Variants in RILPL1 observed in about 807,000 individuals in gnomAD.
The protein encoded by RILPL1 is Rab interacting lysosomal protein like 1.
Under a neutral mutation model 50.3 loss-of-function variants are expected in RILPL1, and 33 were observed. The ratio of observed to expected loss-of-function variants is 0.66; its 90% CI spans 0.50 to 0.88. RILPL1 has a LOEUF of 0.88. RILPL1 is among the 40% of genes least tolerant of loss of function. The probability of loss-of-function intolerance (pLI) is 0.00; values close to 1 mark genes in which losing one functional copy is unlikely to be tolerated. For synonymous variants in RILPL1, 205 were observed against 228.6 expected (o/e 0.90, Z 0.93); for missense variants, 418 against 542.5 (o/e 0.77, Z 2.28).
chr12:123,478,893 C>G lies in RILPL1; in HGVS notation c.1067+5287G>C, dbSNP rs1881778997. ...AGTCACTCCAGCACTCCCTCGTGAC[C>G]TTCCTGGGCAGTGCCAGCCTGGCCT... On this transcript the variant is annotated intron_variant, in intron 6 of 6. Transcript: ENST00000376874. Among the ~76,000 whole-genome samples the G allele has an allele frequency of 3.3e-5, 5 of 152,224 alleles. No individual in the cohort carries two copies. In the South Asian group the frequency reaches 1.0e-3, roughly 32 times the overall value.
At chr12:123,509,963 G>A (rs771517207) in intron 2 of RILPL1, among the ~76,000 whole-genome samples, 47 of 152,228 alleles carry the variant, frequency 3.1e-4, no homozygotes, top group Non-Finnish European at 4.7e-4. Flanking sequence ...CCCTGGAGCC[G>A]AGGCCTGGCA....
At chr12:123,501,067 C>A (rs1473108146) in intron 2 of RILPL1, among the ~76,000 whole-genome samples, 2 of 151,798 alleles carry the variant, frequency 1.3e-5, no homozygotes, top group Non-Finnish European at 2.9e-5. Flanking sequence ...GAGATCGTGC[C>A]ATTGGACTCC....
chr12:123,517,807 T>C (rs1884793379), intron 2 of RILPL1, among the ~76,000 whole-genome samples: 1 of 152,146 alleles, frequency 6.6e-6, no homozygotes, highest in African/African-American at 2.4e-5. Flanking sequence ...AATGGACATA[T>C]GCTGCAAACA....
intron 1 of RILPL1, among the ~76,000 whole-genome samples, chr12:123,524,806 G>A (rs1312862736): frequency 1.3e-5 from 2 of 152,208 alleles, no homozygotes; most frequent in Non-Finnish European, 2.9e-5. Flanking sequence ...GAATAGGTAC[G>A]GAGTTTCTTT....
intron 4 of RILPL1, among the ~76,000 whole-genome samples, chr12:123,488,548 G>A (rs998288522): frequency 5.3e-5 from 8 of 152,254 alleles, no homozygotes; most frequent in African/African-American, 1.9e-4. Context: ...GGAGGCTGAG[G>A]GATTCCAGAA....
At chr12:123,495,466 C>G (rs1882967004) in intron 4 of RILPL1, among the ~76,000 whole-genome samples, 1 of 151,090 alleles carries the variant, frequency 6.6e-6, no homozygotes, top group South Asian at 2.1e-4. Context: ...GCTTCGCCTC[C>G]TGGGTTCACG....
In RILPL1 at chr12:123,533,074, G is replaced by C; in HGVS notation, c.309+100C>G. 4 of 1,276,196 alleles carry C rather than the reference G, an allele frequency of 3.1e-6. No individual in the cohort carries two copies. Among genetic ancestry groups the C allele is most frequent in the Non-Finnish European group, 4.2e-6 (4 of 944,524 alleles). 79.1% of individuals were successfully genotyped at this position (1,276,196 alleles called of 1,614,324 possible). On this transcript the variant is annotated intron_variant, in intron 1 of 6. Coordinates refer to ENST00000376874, the MANE Select transcript of RILPL1 (RefSeq NM_178314.5). This position sits in a 1 kb window ranked among gnomAD's most constrained non-coding sequence, Gnocchi z 6.2. ...TCGGGTCTCCTCTGGTCCGGTCCCT[G>C]AACACACACACGTGCGCACCCACAG...
chr12:123,479,393 A>G (rs1881810991), intron 6 of RILPL1, among the ~76,000 whole-genome samples: 1 of 152,130 alleles, frequency 6.6e-6, no homozygotes, highest in Non-Finnish European at 1.5e-5. Flanking sequence ...AGCCGCCCTG[A>G]GCAGACCGCA....
At chr12:123,477,098 C>G (rs1881644664) in intron 6 of RILPL1, among the ~76,000 whole-genome samples, 1 of 152,158 alleles carries the variant, frequency 6.6e-6, no homozygotes, top group Admixed American at 6.5e-5. Context: ...CTGGTCTAAG[C>G]CCACGGTAAG....
chr12:123,523,468 C>G, intron 2 of RILPL1, 27 bp downstream of exon 2: 1 of 1,613,568 alleles, frequency 6.2e-7, no homozygotes, highest in East Asian at 2.2e-5. Context: ...GGCCGGCCCC[C>G]TTGCATTGGC....
Position 123,498,206 on chromosome 12 carries a change from T to C in RILPL1, c.801+338A>G, listed in dbSNP as rs1883151930. Reference sequence around the variant, plus strand: ...CTTGTTCTCTCTGAGCCTCTCGTTTTTTCTCTCTCTCTCTCTCTCTTTTTT... The same window carrying C: ...CTTGTTCTCTCTGAGCCTCTCGTTTCTTCTCTCTCTCTCTCTCTCTTTTTT... On this transcript the variant is annotated intron_variant, in intron 4 of 6. Transcript: ENST00000376874. This position sits in a 1 kb window ranked among gnomAD's most constrained non-coding sequence, Gnocchi z 4.3. Among the ~76,000 whole-genome samples the C allele has an allele frequency of 6.6e-6, 1 of 151,642 alleles. No individual in the cohort carries two copies. Among genetic ancestry groups the C allele is most frequent in the Non-Finnish European group, 1.5e-5 (1 of 67,960 alleles).
At chr12:123,531,076 G>C (rs1205614608) in intron 1 of RILPL1, among the ~76,000 whole-genome samples, 1 of 150,746 alleles carries the variant, frequency 6.6e-6, no homozygotes, top group Non-Finnish European at 1.5e-5. Context: ...AAACATTTTT[G>C]TGGAAATATC....
intron 1 of RILPL1, among the ~76,000 whole-genome samples, chr12:123,525,834 C>T (rs1885232103): frequency 6.6e-6 from 1 of 151,848 alleles, no homozygotes; most frequent in Admixed American, 6.6e-5. Flanking sequence ...CGTGAGCCAC[C>T]GTGCCCAGCC....
intron 1 of RILPL1, among the ~76,000 whole-genome samples, chr12:123,526,542 C>T (rs1390939874): frequency 1.3e-5 from 2 of 152,120 alleles, no homozygotes; most frequent in East Asian, 1.9e-4. Context: ...GGAATATGCC[C>T]GGCACCCAGA....
chr12:123,479,981 C>A (rs1053552466), intron 6 of RILPL1, among the ~76,000 whole-genome samples: 1 of 152,064 alleles, frequency 6.6e-6, no homozygotes, highest in Non-Finnish European at 1.5e-5. Flanking sequence ...TCACCCAATA[C>A]GAAATTTGCA....
Position 123,533,111 on chromosome 12 carries a change from G to T in RILPL1, c.309+63C>A, listed in dbSNP as rs560366458. ...GTGCGCACCCACAGCTGCCCAATGC[G>T]GAAGAGCCCTTGGGTCCCCGCGGTC... On this transcript the variant is annotated intron_variant, in intron 1 of 6. Coordinates refer to ENST00000376874, the MANE Select transcript of RILPL1 (RefSeq NM_178314.5). This position sits in a 1 kb window ranked among gnomAD's most constrained non-coding sequence, Gnocchi z 6.2. 530 of 1,439,506 alleles carry T rather than the reference G, an allele frequency of 3.7e-4. 4 individuals carry two copies. The African/African-American group carries it at 6.3e-3, about 17-fold the overall frequency. 89.2% of individuals were successfully genotyped at this position (1,439,506 alleles called of 1,614,324 possible). A position where few individuals can be genotyped will look rare whatever the true frequency, so the allele number is the denominator to read the frequency against.
intron 2 of RILPL1, among the ~76,000 whole-genome samples, chr12:123,503,637 C>T (rs1883547185): frequency 6.6e-6 from 1 of 152,082 alleles, no homozygotes; most frequent in Non-Finnish European, 1.5e-5. Context: ...AAATCTCTCC[C>T]TGCCTCCATC....
In RILPL1 at chr12:123,529,961, G is replaced by A. The variant is rs149340899; in HGVS notation, c.309+3213C>T. Among the ~76,000 whole-genome samples the A allele has an allele frequency of 8.5e-4, 129 of 152,008 alleles. 1 individual carries two copies. The East Asian group carries it at 0.019, about 23-fold the overall frequency. On this transcript the variant is annotated intron_variant, in intron 1 of 6. Transcript: ENST00000376874. ...TCCCATGGAAAGTCAGTAGCCACAC[G>A]TGGCTGTTGAGCATTTGACATGTGG...
chr12:123,478,165 TAAA>T (rs200274543), intron 6 of RILPL1, among the ~76,000 whole-genome samples: 1 of 151,544 alleles, frequency 6.6e-6, no homozygotes, highest in Admixed American at 6.6e-5. Flanking sequence ...CCCGGCCAAT[TAAA>T]AAAAATTTTT....
Sources: gnomAD v4.1 joint callset for allele counts (sites outside exome capture counted in the v4.1 genomes callset) on GRCh38, gnomAD v4.1.1 for gene constraint, Gnocchi (gnomAD v3.1) non-coding constraint, MANE v1.5 for transcripts, NCBI Gene and HGNC (gene_info 2026-07-23, HGNC 2026-07-21) for gene names.